MASP2: variants seen among roughly 807,000 people sequenced by gnomAD.
MASP2 encodes the protein MBL associated serine protease 2.
A neutral mutation model predicts 57.1 loss-of-function variants in MASP2; 49 were observed. The observed-to-expected ratio is 0.86, with a 90% CI of 0.68 to 1.09. The LOEUF (loss-of-function observed/expected upper bound fraction) is 1.09. MASP2 is among the 50% of genes least tolerant of loss of function. The pLI, the probability that MASP2 is intolerant of heterozygous loss-of-function variation, is 0.00. For synonymous variants in MASP2, 379 were observed against 340.8 expected (o/e 1.11, Z -1.24); for missense variants, 900 against 874.8 (o/e 1.03, Z -0.36).
intron 10 of MASP2, 149 bp from the exon 11 acceptor site, chr1:11,027,797 G>A: frequency 1.4e-6 from 1 of 736,112 alleles, no homozygotes; most frequent in Non-Finnish European, 2.2e-6. Flanking sequence ...AGGCAAGTGA[G>A]GCTATTTTAA....
chr1:11,037,593 A>AGGCGTGAGCTGCCGCGCCCGGCCAGTCC, intron 7 of MASP2, 100 bp downstream of exon 7: 1 of 715,188 alleles, frequency 1.4e-6, no homozygotes. Context: ...TCATGCTGAC[A>AGGCGTGAGCTGCCGCGCCCGGCCAGTCC]CACGATTTTC....
At chr1:11,045,650 G>A (rs968006574) in intron 3 of MASP2, 111 bp from the exon 4 acceptor site, 10 of 1,269,306 alleles carry the variant, frequency 7.9e-6, no homozygotes, top group South Asian at 2.9e-5. Flanking sequence ...AGGAGGCCTC[G>A]TCCTGTCTAG....
rs1570749649 is a variant in MASP2, at chr1:11,040,296, C to G, written c.890-2485G>C. On this transcript the variant is annotated intron_variant, in intron 6 of 10. Coordinates refer to ENST00000400897, the MANE Select transcript of MASP2 (RefSeq NM_006610.4). ...CCATTCTGTCCAACATGGTGAAACT[C>G]TGCCTCTACTAAAAATATAAAAATT... is the stretch of plus-strand genomic sequence containing the variant. Among the ~76,000 whole-genome samples, 3 of 152,240 alleles carry G rather than the reference C, an allele frequency of 2.0e-5. No individual in the cohort carries two copies. In the South Asian group the frequency reaches 6.2e-4, roughly 32 times the overall value.
chr1:11,037,730 A>C lies in MASP2; in HGVS notation c.971T>G (p.Phe324Cys), dbSNP rs778301923. ...ATAGCCAGTCTCGCAAAAGATGGAG[A>C]AGCTGTCTTTCAGGATGTATTTGGC... is the stretch of plus-strand genomic sequence containing the variant. ...VQAKYILKDSFSIFCETGYEL... is the reference protein window; with the variant it reads ...VQAKYILKDSCSIFCETGYEL... Residue 324 changes from phenylalanine (F) to cysteine (C), a missense_variant, in exon 7 of 11, where the codon TTC (phenylalanine) becomes TGC (cysteine). Coordinates refer to ENST00000400897, the MANE Select transcript of MASP2 (RefSeq NM_006610.4). The C allele has an allele frequency of 1.3e-5, 21 of 1,612,300 alleles. No individual in the cohort carries two copies. The highest frequency in any genetic ancestry group is 1.7e-5 in the Non-Finnish European group (20 of 1,179,476).
At chr1:11,041,624 T>C (rs1354233708) in intron 6 of MASP2, among the ~76,000 whole-genome samples, 1 of 145,402 alleles carries the variant, frequency 6.9e-6, no homozygotes. Context: ...GATGGATGGA[T>C]GGATGGATGG....
rs960486704 is a variant in MASP2 at position 11,046,401 on chromosome 1, T to C, written c.412+155A>G. On this transcript the variant is annotated intron_variant, in intron 3 of 10. Coordinates refer to ENST00000400897, the MANE Select transcript of MASP2 (RefSeq NM_006610.4). ...CATGTGAATGGAGGTCACGGCTGTT[T>C]TGGTCTTTGCATTGTGGATGATGTC... 1.9e-5 allele frequency: 15 copies of C among 791,514 alleles called. No homozygotes were observed. The East Asian group carries it at 3.7e-4, about 20-fold the overall frequency. 49.0% of individuals were successfully genotyped at this position (791,514 alleles called of 1,614,324 possible).
At chr1:11,040,508 G>A (rs1169221628) in intron 6 of MASP2, among the ~76,000 whole-genome samples, 1 of 151,630 alleles carries the variant, frequency 6.6e-6, no homozygotes, top group African/African-American at 2.4e-5. Context: ...AGGGTGGGTG[G>A]GTGAATGGCT....
Position 11,043,477 on chromosome 1 carries a change from G to T in MASP2, c.603C>A (p.Tyr201Ter), listed in dbSNP as rs375366541. 1.2e-6 allele frequency: 2 copies of T among 1,609,632 alleles called. No homozygotes were observed. The highest frequency in any genetic ancestry group is 2.7e-5 in the African/African-American group (2 of 74,888). Residue 201 changes from tyrosine (Y) to a stop codon, truncating the protein, a stop_gained, in exon 5 of 11, where the codon TAC becomes TAA. Transcript: ENST00000400897. LOFTEE classifies it high-confidence loss of function. ...QRSGELSSPE[Y>*]PRPYPKLSSC... ...TGGAGAGTTTGGGATACGGCCGTGG[G>T]TATTCAGGGCTGCTGAGCTCCCCAG... is the stretch of plus-strand genomic sequence containing the variant.
At chr1:11,030,109 C>G in intron 10 of MASP2, 67 bp downstream of exon 10, 2 of 1,170,458 alleles carry the variant, frequency 1.7e-6, no homozygotes. Context: ...TAAAGCTCTC[C>G]TCACTGTCTC....
intron 7 of MASP2, 138 bp from the exon 8 acceptor site, chr1:11,035,044 AT>A: frequency 1.7e-6 from 1 of 585,128 alleles, no homozygotes; most frequent in Non-Finnish European, 3.0e-6. Context: ...CATGACTAGT[AT>A]CTGCGTGTGC....
At chr1:11,043,251 G>A (rs774065890) in intron 5 of MASP2, 88 bp downstream of exon 5, 60 of 1,228,274 alleles carry the variant, frequency 4.9e-5, no homozygotes, top group Non-Finnish European at 3.0e-5. Context: ...TGACGGGAAC[G>A]TGGTGGGGGC....
chr1:11,030,023 T>C (rs573014685), intron 10 of MASP2, 153 bp downstream of exon 10: 1 of 580,992 alleles, frequency 1.7e-6, no homozygotes, highest in East Asian at 3.0e-5. Context: ...GGGAAGGGGG[T>C]AATGAGAACA....
intron 7 of MASP2, among the ~76,000 whole-genome samples, chr1:11,036,238 C>G (rs755167909): frequency 6.4e-4 from 97 of 152,204 alleles, no homozygotes; most frequent in Non-Finnish European, 1.2e-3. Flanking sequence ...GGCGCGGTGG[C>G]TCACGCCTGT....
intron 4 of MASP2, among the ~76,000 whole-genome samples, 178 bp from the exon 5 acceptor site, chr1:11,043,713 C>G (rs1283970809): frequency 6.6e-6 from 1 of 152,092 alleles, no homozygotes. Context: ...ACCCAGAAAC[C>G]AAACGACCCA....
intron 6 of MASP2, among the ~76,000 whole-genome samples, chr1:11,042,296 G>C (rs1638483266): frequency 6.6e-6 from 1 of 150,874 alleles, no homozygotes; most frequent in Admixed American, 6.6e-5. Flanking sequence ...GAATGGGTGG[G>C]TAGAAGGATA....
At chr1:11,039,647 GTGGATGGATGAATGGATGCA>G (rs1364374126) in intron 6 of MASP2, among the ~76,000 whole-genome samples, 3 of 142,204 alleles carry the variant, frequency 2.1e-5, no homozygotes, top group Admixed American at 1.4e-4. Flanking sequence ...AGGTGGATGG[GTGGATGGATGAATGGATGCA>G]TGGATGGATG....
rs779805410 is a variant in MASP2 at position 11,030,776 on chromosome 1, C to T, written c.1194G>A (p.Glu398=). ...CATTCACTTTCATTGTGTAGAAGGT[C>T]TCTTCACAGCTGTACTGAATCACAG... ...YKAVIQYSCE[E]TFYTMKVNDG... The change falls in exon 9 of 11, where the codon GAG becomes GAA. Residue 398 remains glutamate (E), a synonymous_variant. Transcript: ENST00000400897. The T allele has an allele frequency of 6.2e-7, 1 of 1,611,476 alleles. No homozygotes were observed. Among genetic ancestry groups the T allele is most frequent in the Non-Finnish European group, 8.5e-7 (1 of 1,179,368 alleles).
At position 11,026,660 on chromosome 1, in the gene MASP2, A is replaced by G. The variant is rs1033638; in HGVS notation, c.*225T>C. 0.77 allele frequency: 288,079 copies of G among 374,014 alleles called. 115,170 individuals are homozygous for G. The highest frequency in any genetic ancestry group is 0.87 in the East Asian group (22,043 of 25,262). The allele number at this position is 374,014 out of a possible 1,614,324, so 23.2% of individuals were successfully genotyped here. A position where few individuals can be genotyped will look rare whatever the true frequency, so the allele number is the denominator to read the frequency against. ...GTGACATTACACTGGGTGGGCAAAGATGACTGTCACTCTCGTGGTTTATGT... is the reference window on the plus strand; with the variant it reads ...GTGACATTACACTGGGTGGGCAAAGGTGACTGTCACTCTCGTGGTTTATGT... On this transcript the variant is annotated 3_prime_UTR_variant, in exon 11 of 11. Transcript: ENST00000400897.
At position 11,045,530 on chromosome 1, in the gene MASP2, T is replaced by G; in HGVS notation, c.422A>C (p.Glu141Ala). The change falls in exon 4 of 11, where the codon GAG (glutamate) becomes GCG (alanine). Residue 141 changes from glutamate (E) to alanine (A), a missense_variant. Coordinates refer to ENST00000400897, the MANE Select transcript of MASP2 (RefSeq NM_006610.4). ...EAFYAAEDID[E>A]CQVAPGEAPT... ...CGCCTCTCCCGGGGCCACCTGGCACTCGTCAATGTCTGGGGGAGAGGCAGG... is the reference window on the plus strand; with the variant it reads ...CGCCTCTCCCGGGGCCACCTGGCACGCGTCAATGTCTGGGGGAGAGGCAGG... 4 of 1,606,444 alleles carry G rather than the reference T, an allele frequency of 2.5e-6. No homozygotes were observed. Among genetic ancestry groups the G allele is most frequent in the Non-Finnish European group, 3.4e-6 (4 of 1,177,832 alleles).
Sources: allele counts gnomAD v4.1 joint callset (sites outside exome capture counted in the v4.1 genomes callset), GRCh38; gene constraint gnomAD v4.1.1; transcripts MANE v1.5; gene names NCBI Gene and HGNC (gene_info 2026-07-23, HGNC 2026-07-21).